The following TM9SF3 variants were observed in gnomAD, a reference collection of about 807,000 sequenced individuals.
The protein encoded by TM9SF3 is SM-11044-binding protein.
A neutral mutation model predicts 78.6 loss-of-function variants in TM9SF3; 14 were observed. That is an observed-to-expected ratio of 0.18 (90% CI 0.12 to 0.28). The LOEUF is 0.28. TM9SF3 is among the 10% of genes least tolerant of loss of function. TM9SF3 has a pLI of 1.00. For missense variants in TM9SF3, 496 were observed against 721.9 expected (o/e 0.69, Z 3.59); for synonymous variants, 231 against 241.7 (o/e 0.96, Z 0.41).
rs1847777477 is a variant in TM9SF3, at chr10:96,521,735, A to T, written c.*528T>A. On this transcript the variant is annotated 3_prime_UTR_variant, in exon 15 of 15. Coordinates refer to ENST00000371142, the MANE Select transcript of TM9SF3 (RefSeq NM_020123.4). ...GATGCTGTTGGATTGGGAAAAAAAA[A>T]AAGTCAAAAAAGAACCCAGATTCAA... 2 of 152,282 alleles carry T rather than the reference A, an allele frequency of 1.3e-5. No individual in the cohort carries two copies. Among genetic ancestry groups the T allele is most frequent in the Admixed American group, 1.3e-4 (2 of 15,216 alleles). 9.4% of individuals were successfully genotyped at this position (152,282 alleles called of 1,614,324 possible). A position where few individuals can be genotyped will look rare whatever the true frequency, so the allele number is the denominator to read the frequency against.
chr10:96,560,685 G>A, intron 4 of TM9SF3: 1 of 592,410 alleles, frequency 1.7e-6, no homozygotes, highest in Non-Finnish European at 3.2e-6. Context: ...TGATGATGAT[G>A]ACGATTTTGA....
intron 5 of TM9SF3, among the ~76,000 whole-genome samples, chr10:96,556,189 C>T (rs1264820696): frequency 1.3e-5 from 2 of 152,138 alleles, no homozygotes; most frequent in Non-Finnish European, 2.9e-5. Flanking sequence ...ACTAATGCTG[C>T]ATGCCAGCAC....
intron 1 of TM9SF3, among the ~76,000 whole-genome samples, chr10:96,577,291 CT>C (rs1848507381): frequency 6.6e-6 from 1 of 151,352 alleles, no homozygotes; most frequent in South Asian, 2.1e-4. Context: ...AAAATTTCAT[CT>C]CCTTGCGAGA....
intron 8 of TM9SF3, among the ~76,000 whole-genome samples, chr10:96,545,111 T>TA (rs992856153): frequency 6.6e-6 from 1 of 152,146 alleles, no homozygotes; most frequent in Admixed American, 6.5e-5. Context: ...AACTATGTAA[T>TA]AAAAAAATCT....
chr10:96,565,460 A>T, intron 2 of TM9SF3, 34 bp from the exon 3 acceptor site: 2 of 1,520,484 alleles, frequency 1.3e-6, no homozygotes, highest in Non-Finnish European at 1.7e-6. Context: ...TTAGCCCACT[A>T]GTTTGCAAAA....
Position 96,586,664 on chromosome 10 carries a change from G to C in TM9SF3, c.102+70C>G, listed in dbSNP as rs929755949. On this transcript the variant is annotated intron_variant, in intron 1 of 14. Coordinates refer to ENST00000371142, the MANE Select transcript of TM9SF3 (RefSeq NM_020123.4). ...ACCGGGCCGCCGGGCACTCCAGGCT[G>C]CGTGGGGCCTGCCTCAGTGGGCAAC... 5 of 1,174,154 alleles carry C rather than the reference G, an allele frequency of 4.3e-6. No individual in the cohort carries two copies. In the African/African-American group the frequency reaches 8.0e-5, roughly 19 times the overall value. The allele number at this position is 1,174,154 out of a possible 1,614,324, so 72.7% of individuals were successfully genotyped here.
At chr10:96,554,303 T>C (rs373550493) in intron 5 of TM9SF3, among the ~76,000 whole-genome samples, 1 of 152,174 alleles carries the variant, frequency 6.6e-6, no homozygotes, top group African/African-American at 2.4e-5. Context: ...TCCCGATCCT[T>C]TCAATGTCAA....
chr10:96,586,773 C>T lies in TM9SF3; in HGVS notation c.63G>A (p.Leu21=). The change falls in exon 1 of 15, where the codon CTG becomes CTA. Residue 21 remains leucine, a synonymous_variant. Coordinates refer to ENST00000371142, the MANE Select transcript of TM9SF3 (RefSeq NM_020123.4). Reference sequence around the variant, plus strand: ...CGTCCGCCCGGGTCCGGGGCAGCAGCAGCAGCAGCAGCCACAGCGCGGCGG... The same window carrying T: ...CGTCCGCCCGGGTCCGGGGCAGCAGTAGCAGCAGCAGCCACAGCGCGGCGG... ...AAAAALWLLL[L]LLPRTRADEH... The T allele has an allele frequency of 1.6e-6, 2 of 1,288,698 alleles. No homozygotes were observed. The highest frequency in any genetic ancestry group is 2.5e-5 in the South Asian group (1 of 40,240). The allele number at this position is 1,288,698 out of a possible 1,614,324, so 79.8% of individuals were successfully genotyped here.
At chr10:96,560,735 A>G (rs1391862042) in intron 4 of TM9SF3, 2 of 574,628 alleles carry the variant, frequency 3.5e-6, no homozygotes, top group African/African-American at 1.9e-5. Flanking sequence ...AGAAATCTAC[A>G]TGAGATAATC....
intron 5 of TM9SF3, among the ~76,000 whole-genome samples, chr10:96,554,629 T>C (rs1255651544): frequency 6.6e-6 from 1 of 152,156 alleles, no homozygotes; most frequent in South Asian, 2.1e-4. Context: ...TCAGAACTTT[T>C]AACCAGCATT....
rs1847858799 is a variant in TM9SF3, at chr10:96,528,104, T to C, written c.1468A>G (p.Ile490Val). 6.2e-7 allele frequency: 1 copy of C among 1,612,914 alleles called. No homozygotes were observed. The highest frequency in any genetic ancestry group is 1.1e-5 in the South Asian group (1 of 91,032). ...ACACAGACAGTCACAATGCACAGGA[T>C]AACCAGCACCAGCATCATGAAGCCA... ...VYGFMMLVLV[I>V]LCIVTVCVTI... Residue 490 changes from isoleucine to valine, a missense_variant, in exon 12 of 15, where the codon ATC (isoleucine) becomes GTC (valine). Coordinates refer to ENST00000371142, the MANE Select transcript of TM9SF3 (RefSeq NM_020123.4).
chr10:96,558,122 G>A (rs1848257037), intron 5 of TM9SF3, among the ~76,000 whole-genome samples: 1 of 152,202 alleles, frequency 6.6e-6, no homozygotes, highest in African/African-American at 2.4e-5. Context: ...TCAATGTCCA[G>A]TGGGGCTAGA....
chr10:96,549,200 C>A (rs9664742), intron 7 of TM9SF3, among the ~76,000 whole-genome samples: 2,631 of 152,268 alleles, frequency 0.017, 78 homozygotes, highest in African/African-American at 0.06. Context: ...CCTCAAAATA[C>A]TTTTCCTCTG....
At chr10:96,526,502 T>C (rs1454366361) in intron 14 of TM9SF3, among the ~76,000 whole-genome samples, 1 of 152,170 alleles carries the variant, frequency 6.6e-6, no homozygotes, top group Non-Finnish European at 1.5e-5. Flanking sequence ...AAAAGTTCTT[T>C]ATTTTCTAGC....
At position 96,586,653 on chromosome 10, in the gene TM9SF3, CACTCCAGGCTGCGTGGGG is replaced by C. The variant is rs1848635318; in HGVS notation, c.102+63_102+80del. 2.6e-6 allele frequency: 3 copies of C among 1,139,184 alleles called. No individual in the cohort carries two copies. In the Admixed American group the frequency reaches 1.3e-4, roughly 51 times the overall value. The allele number at this position is 1,139,184 out of a possible 1,614,324, so 70.6% of individuals were successfully genotyped here. On this transcript the variant is annotated intron_variant, in intron 1 of 14. Transcript: ENST00000371142. Reference sequence around the variant, plus strand: ...AGTGGGGCACCACCGGGCCGCCGGGCACTCCAGGCTGCGTGGGGCCTGCCTCAGTGGGCAACTGGGGAG... The same window carrying C: ...AGTGGGGCACCACCGGGCCGCCGGGCCCTGCCTCAGTGGGCAACTGGGGAG...
intron 2 of TM9SF3, among the ~76,000 whole-genome samples, chr10:96,570,044 GA>G (rs983756922): frequency 2.6e-5 from 4 of 151,736 alleles, no homozygotes; most frequent in Non-Finnish European, 4.4e-5. Context: ...GAAAATGGGG[GA>G]AAAAAACCAC....
intron 7 of TM9SF3, among the ~76,000 whole-genome samples, chr10:96,548,880 T>G (rs1848133106): frequency 1.3e-5 from 2 of 152,000 alleles, no homozygotes; most frequent in Admixed American, 1.3e-4. Flanking sequence ...GGTCCTTCAC[T>G]TCTTTGTTCA....
chr10:96,559,217 C>T (rs12240642), intron 5 of TM9SF3, among the ~76,000 whole-genome samples: 6,995 of 152,184 alleles, frequency 0.046, 319 homozygotes, highest in African/African-American at 0.12. Context: ...AGGGCAAGTG[C>T]CCATGTAGGG....
At chr10:96,555,026 CTTT>C (rs375133107) in intron 5 of TM9SF3, among the ~76,000 whole-genome samples, 17 of 142,982 alleles carry the variant, frequency 1.2e-4, no homozygotes, top group African/African-American at 4.1e-4. Flanking sequence ...CCTGGTTGGC[CTTT>C]TTTTTTTTTG....
Sources: gnomAD v4.1 joint callset for allele counts (sites outside exome capture counted in the v4.1 genomes callset) on GRCh38, gnomAD v4.1.1 for gene constraint, MANE v1.5 for transcripts, NCBI Gene and HGNC (gene_info 2026-07-23, HGNC 2026-07-21) for gene names.